Variants in MEI1 observed in about 807,000 individuals in gnomAD.
MEI1 encodes meiosis inhibitor protein 1.
A neutral mutation model predicts 146.2 loss-of-function variants in MEI1; 103 were observed. The observed-to-expected ratio is 0.70, with a 90% CI of 0.60 to 0.83. The LOEUF (loss-of-function observed/expected upper bound fraction) is 0.83, where lower values mean the gene tolerates loss of function less well. Among genes scored for constraint, MEI1 ranks in the 40% least tolerant of loss-of-function variants. The pLI is 0.00. For synonymous variants in MEI1, 652 were observed against 628.2 expected (o/e 1.04, Z -0.57); for missense variants, 1,529 against 1,533.0 (o/e 1.00, Z 0.04).
chr22:41,702,572 A>C (rs1177082956), intron 1 of MEI1, among the ~76,000 whole-genome samples: 1 of 151,608 alleles, frequency 6.6e-6, no homozygotes. Context: ...CAGCCTCCCA[A>C]TTAGCTGGGG....
chr22:41,786,343 G>A (rs2075985678), intron 26 of MEI1, among the ~76,000 whole-genome samples: 1 of 152,174 alleles, frequency 6.6e-6, no homozygotes, highest in African/African-American at 2.4e-5. Flanking sequence ...ACTATTCCCT[G>A]CCTGGGTGAG....
In MEI1 at chr22:41,770,773, T is replaced by C; in HGVS notation, c.2356T>C (p.Phe786Leu). 2 of 1,613,962 alleles carry C rather than the reference T, an allele frequency of 1.2e-6. No individual in the cohort carries two copies. The highest frequency in any genetic ancestry group is 1.7e-5 in the Admixed American group (1 of 60,012). The change falls in exon 20 of 31, where the codon TTT (phenylalanine) becomes CTT (leucine). Residue 786 changes from phenylalanine to leucine, a missense_variant. Coordinates refer to ENST00000401548, the MANE Select transcript of MEI1 (RefSeq NM_152513.4). Reference sequence around the variant, plus strand: ...TCACCATCCGCTCCTGCTCAGGTTCTTTCTGTTGTATCCAGAGCTCATGAG... The same window carrying C: ...TCACCATCCGCTCCTGCTCAGGTTCCTTCTGTTGTATCCAGAGCTCATGAG... ...YTHHPLLLRF[F>L]LLYPELMSRY...
chr22:41,758,641 C>A, intron 18 of MEI1, 108 bp downstream of exon 18: 3 of 1,154,304 alleles, frequency 2.6e-6, no homozygotes, highest in Non-Finnish European at 2.4e-6. Context: ...GCACTGGGGA[C>A]ACGGGGATAA....
At chr22:41,726,296 T>C (rs952230648) in intron 7 of MEI1, among the ~76,000 whole-genome samples, 6 of 152,162 alleles carry the variant, frequency 3.9e-5, no homozygotes, top group Non-Finnish European at 8.8e-5. Flanking sequence ...GGTCATCAAG[T>C]GTAATGAGCT....
chr22:41,718,021 C>A, intron 5 of MEI1, 50 bp from the exon 6 acceptor site: 1 of 1,386,300 alleles, frequency 7.2e-7, no homozygotes. Context: ...TTTCATATAG[C>A]AGTTGACATT....
intron 24 of MEI1, among the ~76,000 whole-genome samples, chr22:41,782,272 G>A (rs561444116): frequency 6.6e-6 from 1 of 152,316 alleles, no homozygotes; most frequent in South Asian, 2.1e-4. Context: ...GGGGAGTGGT[G>A]AGGTGCTCTG....
chr22:41,773,513 A>G (rs1401179632), intron 20 of MEI1, among the ~76,000 whole-genome samples: 2 of 150,332 alleles, frequency 1.3e-5, no homozygotes, highest in Non-Finnish European at 1.5e-5. Flanking sequence ...ACTAGAGCCC[A>G]AAGTGAGTAA....
In MEI1 at chr22:41,799,394, C is replaced by A; in HGVS notation, c.*95C>A. On this transcript the variant is annotated 3_prime_UTR_variant, in exon 31 of 31. Coordinates refer to ENST00000401548, the MANE Select transcript of MEI1 (RefSeq NM_152513.4). ...GAAATGGATGACAGCTGAAGCTATT[C>A]ATATGGAGCCATATACTCTATTGTT... 1 of 1,114,416 alleles carries A rather than the reference C, an allele frequency of 9.0e-7. No individual in the cohort carries two copies. The highest frequency in any genetic ancestry group is 1.4e-6 in the Non-Finnish European group (1 of 738,818). 69.0% of individuals were successfully genotyped at this position (1,114,416 alleles called of 1,614,324 possible). A position where few individuals can be genotyped will look rare whatever the true frequency, so the allele number is the denominator to read the frequency against.
intron 6 of MEI1, among the ~76,000 whole-genome samples, chr22:41,719,027 G>A (rs1286034453): frequency 7.0e-6 from 1 of 143,332 alleles, no homozygotes; most frequent in East Asian, 2.0e-4. Flanking sequence ...CTGTTGCCCA[G>A]GCCGGACTGC....
chr22:41,711,258 T>C (rs2413654), intron 3 of MEI1, among the ~76,000 whole-genome samples: 126,734 of 151,974 alleles, frequency 0.83, 53,795 homozygotes, highest in African/African-American at 0.95. Context: ...CTGCAAGCTC[T>C]GCCTCCTGGG....
intron 11 of MEI1, among the ~76,000 whole-genome samples, chr22:41,734,914 G>A (rs1487196080): frequency 6.6e-6 from 1 of 151,348 alleles, no homozygotes; most frequent in African/African-American, 2.4e-5. Context: ...TAGGATTACA[G>A]GTATGAGCCA....
At chr22:41,793,977 C>T (rs766723912) in intron 27 of MEI1, 67 bp downstream of exon 27, 8 of 1,400,488 alleles carry the variant, frequency 5.7e-6, no homozygotes, top group Non-Finnish European at 7.0e-6. Flanking sequence ...CCCTTCCACC[C>T]TCCTGCTCCA....
chr22:41,723,601 T>C (rs1280324282), intron 6 of MEI1, among the ~76,000 whole-genome samples: 1 of 152,210 alleles, frequency 6.6e-6, no homozygotes, highest in East Asian at 1.9e-4. Flanking sequence ...GTTCCTGCTA[T>C]GTGTCAGGAA....
At chr22:41,762,838 G>T (rs1002332256) in intron 18 of MEI1, among the ~76,000 whole-genome samples, 4 of 152,150 alleles carry the variant, frequency 2.6e-5, no homozygotes, top group African/African-American at 7.2e-5. Context: ...GAAGAGAGGG[G>T]TGGAGCAGCT....
At chr22:41,758,302 T>A in intron 17 of MEI1, 63 bp from the exon 18 acceptor site, 1 of 1,493,294 alleles carries the variant, frequency 6.7e-7, no homozygotes, top group Non-Finnish European at 9.2e-7. Context: ...TAGGTACTAA[T>A]GTGCTGATTA....
chr22:41,752,086 AAAAG>A (rs2073796358), intron 15 of MEI1, among the ~76,000 whole-genome samples: 4 of 151,820 alleles, frequency 2.6e-5, no homozygotes, highest in Admixed American at 1.3e-4. Context: ...AAAAAAAAAG[AAAAG>A]AAACTGTTAT....
At chr22:41,713,131 C>T (rs2069756233) in intron 3 of MEI1, among the ~76,000 whole-genome samples, 1 of 151,982 alleles carries the variant, frequency 6.6e-6, no homozygotes, top group African/African-American at 2.4e-5. Flanking sequence ...TTTTTTAAAG[C>T]TTCCTAGGTG....
chr22:41,709,502 C>T (rs1456732132), intron 3 of MEI1: 4 of 610,406 alleles, frequency 6.6e-6, no homozygotes, highest in South Asian at 1.4e-5. Flanking sequence ...GCAGCAGCGA[C>T]GGCAGCGGGA....
chr22:41,780,188 G>A (rs1382373942), intron 22 of MEI1, among the ~76,000 whole-genome samples: 1 of 152,198 alleles, frequency 6.6e-6, no homozygotes, highest in Admixed American at 6.5e-5. Context: ...GGGAGTAACA[G>A]GCTGAAACCC....
Sources: gnomAD v4.1 joint callset for allele counts (sites outside exome capture counted in the v4.1 genomes callset) on GRCh38, gnomAD v4.1.1 for gene constraint, MANE v1.5 for transcripts, NCBI Gene and HGNC (gene_info 2026-07-23, HGNC 2026-07-21) for gene names.